Variants in ATF7 observed in about 807,000 individuals in gnomAD.
ATF7 encodes the protein activating transcription factor 7, also known as cyclic AMP-dependent transcription factor ATF-7.
A neutral mutation model predicts 50.4 loss-of-function variants in ATF7; 10 were observed. The observed-to-expected ratio is 0.20, with a 90% confidence interval of 0.12 to 0.34. The LOEUF is 0.34. ATF7 is among the 10% of genes least tolerant of loss of function. ATF7 has a pLI of 1.00. For missense variants in ATF7, 465 were observed against 613.9 expected (o/e 0.76, Z 2.56); for synonymous variants, 201 against 226.4 (o/e 0.89, Z 1.01).
intron 2 of ATF7, among the ~76,000 whole-genome samples, chr12:53,568,400 A>T (rs1565961402): frequency 6.6e-6 from 1 of 151,150 alleles, no homozygotes; most frequent in African/African-American, 2.4e-5. Context: ...ACGCACACAC[A>T]CTCTCTCTCT....
intron 6 of ATF7, among the ~76,000 whole-genome samples, chr12:53,534,076 G>T (rs1218519856): frequency 6.6e-6 from 1 of 152,220 alleles, no homozygotes; most frequent in Admixed American, 6.5e-5. Flanking sequence ...AGGAGATCGA[G>T]ATCGTCCTGG....
At chr12:53,599,629 A>C (rs1943304034) in intron 2 of ATF7, among the ~76,000 whole-genome samples, 1 of 152,136 alleles carries the variant, frequency 6.6e-6, no homozygotes, top group African/African-American at 2.4e-5. Context: ...GGAATTTGGA[A>C]TCTTCCTTCT....
At chr12:53,509,982 T>C (rs1315975168), downstream of ATF7, among the ~76,000 whole-genome samples, 1 of 152,146 alleles carries the variant, frequency 6.6e-6, no homozygotes. Context: ...AAGCTTTGTC[T>C]CATGGTTGGT....
intron 2 of ATF7, among the ~76,000 whole-genome samples, chr12:53,584,765 T>G (rs1052955790): frequency 6.6e-6 from 1 of 152,154 alleles, no homozygotes; most frequent in Admixed American, 6.5e-5. Flanking sequence ...TGCATATTAC[T>G]AAATGAAAGA....
intron 2 of ATF7, among the ~76,000 whole-genome samples, chr12:53,587,297 G>A (rs1194098136): frequency 3.4e-5 from 5 of 147,278 alleles, no homozygotes; most frequent in Non-Finnish European, 7.4e-5. Flanking sequence ...AACCTGGGAA[G>A]TGGAGGCTGC....
chr12:53,552,964 G>C (rs1208898432), intron 2 of ATF7, among the ~76,000 whole-genome samples: 2 of 152,098 alleles, frequency 1.3e-5, no homozygotes, highest in African/African-American at 4.8e-5. Context: ...ATTGAACAAG[G>C]GGAAGCAATT....
chr12:53,589,218 A>T (rs906917549), intron 2 of ATF7, among the ~76,000 whole-genome samples: 3 of 152,218 alleles, frequency 2.0e-5, no homozygotes, highest in Admixed American at 2.0e-4. Context: ...TCCATCACAA[A>T]ATACTGAGTA....
At chr12:53,602,862 A>G (rs971987566) in intron 1 of ATF7, among the ~76,000 whole-genome samples, 1 of 152,218 alleles carries the variant, frequency 6.6e-6, no homozygotes, top group South Asian at 2.1e-4. Context: ...AATAAATACA[A>G]GTAAACAAAA....
At chr12:53,537,973 A>C (rs2137409627) in intron 4 of ATF7, among the ~76,000 whole-genome samples, 1 of 152,080 alleles carries the variant, frequency 6.6e-6, no homozygotes, top group Admixed American at 6.6e-5. Context: ...CAGCCTCCCA[A>C]AGTGTTGGGA....
chr12:53,511,020 G>A (rs1171469640), downstream of ATF7, among the ~76,000 whole-genome samples: 1 of 152,212 alleles, frequency 6.6e-6, no homozygotes, highest in African/African-American at 2.4e-5. Context: ...TTTGTGTCAA[G>A]TGTCTACCAA....
chr12:53,590,367 G>A (rs80114291), intron 2 of ATF7, among the ~76,000 whole-genome samples: 3,848 of 152,288 alleles, frequency 0.025, 174 homozygotes, highest in African/African-American at 0.087. Context: ...ATTTCTGGAT[G>A]AGGAATCTTT....
chr12:53,616,837 C>A (rs1229915308), intron 1 of ATF7, among the ~76,000 whole-genome samples: 2 of 150,154 alleles, frequency 1.3e-5, no homozygotes, highest in Non-Finnish European at 3.0e-5. Flanking sequence ...CCCAGCTACT[C>A]AGGAGGCTGA....
Position 53,552,606 on chromosome 12 carries a change from TG to T in ATF7, c.79del (p.His27IlefsTer7). 6.2e-7 allele frequency: 1 copy of T among 1,613,956 alleles called. No homozygotes were observed. ...RFTNEDHLAV[H>X]KHKHEMTLKF... is the part of the protein sequence containing the mutation. ...CAATGTCATCTCATGCTTGTGTTTATGAACTGCCAGGTGGTCCTCGTTTGTA... is the reference window on the plus strand; with the variant it reads ...CAATGTCATCTCATGCTTGTGTTTATAACTGCCAGGTGGTCCTCGTTTGTA... On this transcript the variant is annotated frameshift_variant, in exon 3 of 12. Transcript: ENST00000420353. LOFTEE classifies it high-confidence loss of function.
At chr12:53,608,192 C>A (rs538652485) in intron 1 of ATF7, among the ~76,000 whole-genome samples, 1 of 145,238 alleles carries the variant, frequency 6.9e-6, no homozygotes, top group Non-Finnish European at 1.5e-5. Context: ...TGCGCTCCAG[C>A]CTGGTGATAG....
intron 3 of ATF7, among the ~76,000 whole-genome samples, chr12:53,545,354 T>C (rs1171109084): frequency 6.6e-6 from 1 of 152,188 alleles, no homozygotes; most frequent in Non-Finnish European, 1.5e-5. Context: ...AGTTTCCCTC[T>C]TGTTGCTCAG....
At chr12:53,606,896 T>C (rs1322400817) in intron 1 of ATF7, among the ~76,000 whole-genome samples, 3 of 152,056 alleles carry the variant, frequency 2.0e-5, no homozygotes, top group Non-Finnish European at 4.4e-5. Context: ...CATGAACTCA[T>C]CATTTTTATG....
chr12:53,566,884 G>T (rs1941473320), intron 2 of ATF7, among the ~76,000 whole-genome samples: 1 of 152,112 alleles, frequency 6.6e-6, no homozygotes, highest in African/African-American at 2.4e-5. Flanking sequence ...CTCCTGAGTA[G>T]CTGGGATTAC....
In ATF7 at chr12:53,533,309, G is replaced by T. The variant is rs1389450490; in HGVS notation, c.561-50C>A. The stretch of plus-strand genomic sequence containing the variant: ...CTCATAACACAGACCTTTTGTCCAT[G>T]GATCTTCCTCTTATAATTACAGAAG... On this transcript the variant is annotated intron_variant, in intron 6 of 11. Transcript: ENST00000420353. 3 of 1,427,988 alleles carry T rather than the reference G, an allele frequency of 2.1e-6. No individual in the cohort carries two copies. The Admixed American group carries it at 5.1e-5, about 24-fold the overall frequency. 88.5% of individuals were successfully genotyped at this position (1,427,988 alleles called of 1,614,324 possible).
chr12:53,543,354 T>C lies in ATF7; in HGVS notation c.240A>G (p.Lys80=), dbSNP rs948843098. 1.9e-6 allele frequency: 3 copies of C among 1,594,762 alleles called. No homozygotes were observed. Among genetic ancestry groups the C allele is most frequent in the Non-Finnish European group, 8.6e-7 (1 of 1,169,476 alleles). The change falls in exon 4 of 12, where the codon AAA becomes AAG. Residue 80 remains lysine, a synonymous_variant. Coordinates refer to ENST00000420353, the MANE Select transcript of ATF7 (RefSeq NM_006856.3). ...LASSFEHEFK[K]AADEDEKKAA... ...CCTTTTTCTCATCCTCATCTGCAGCTTTCTTGAATTCATGTTCAAAGGAGC... is the reference window on the plus strand; with the variant it reads ...CCTTTTTCTCATCCTCATCTGCAGCCTTCTTGAATTCATGTTCAAAGGAGC...
Sources: gnomAD v4.1 joint callset for allele counts (sites outside exome capture counted in the v4.1 genomes callset) on GRCh38, gnomAD v4.1.1 for gene constraint, MANE v1.5 for transcripts, NCBI Gene and HGNC (gene_info 2026-07-23, HGNC 2026-07-21) for gene names.